STMN1: variants seen among roughly 807,000 people sequenced by gnomAD.
STMN1 encodes stathmin 1.
STMN1 carries 3 observed loss-of-function variants against 19.7 expected under a neutral mutation model. That is an observed-to-expected ratio of 0.15 (90% CI 0.07 to 0.39). STMN1 has a LOEUF of 0.39. Among genes scored for constraint, STMN1 ranks in the 10% least tolerant of loss-of-function variants. STMN1 has a pLI of 1.00. For synonymous variants in STMN1, 59 were observed against 58.9 expected (o/e 1.00, Z -0.01); for missense variants, 99 against 176.0 (o/e 0.56, Z 2.48).
At chr1:25,905,468 C>T (rs1206067548) in intron 1 of STMN1, 2 of 152,228 alleles carry the variant, frequency 1.3e-5, no homozygotes, top group African/African-American at 2.4e-5. Context: ...GACGCAGCAC[C>T]GGACCCAGGA....
downstream of STMN1, among the ~76,000 whole-genome samples, chr1:25,897,037 A>G (rs159519): frequency 0.59 from 89,308 of 152,120 alleles, 26,489 homozygotes; most frequent in South Asian, 0.76. Context: ...TGGCCTTGCC[A>G]GGCGCGGTGG....
chr1:25,885,947 G>T (rs772454783), intron 4 of STMN1: 41 of 1,435,622 alleles, frequency 2.9e-5, no homozygotes, highest in Non-Finnish European at 3.2e-5. Context: ...CCCTTCATCA[G>T]GGCTAAAACA....
At chr1:25,896,957 T>G (rs1334222764), downstream of STMN1, among the ~76,000 whole-genome samples, 2 of 152,170 alleles carry the variant, frequency 1.3e-5, no homozygotes, top group Non-Finnish European at 2.9e-5. Flanking sequence ...AGTCTTGGAT[T>G]TGGAAGGGAA....
chr1:25,897,624 C>A (rs149425895), downstream of STMN1, among the ~76,000 whole-genome samples: 174 of 152,238 alleles, frequency 1.1e-3, 1 homozygote, highest in East Asian at 0.011. Context: ...GTAGGGCTTT[C>A]ATTTGCTGAG....
At chr1:25,888,138 CAT>C (rs2048741059) in intron 4 of STMN1, among the ~76,000 whole-genome samples, 1 of 152,136 alleles carries the variant, frequency 6.6e-6, no homozygotes, top group African/African-American at 2.4e-5. Flanking sequence ...CTTCCTATAA[CAT>C]GGGGATAATC....
At chr1:25,901,388 G>T in intron 4 of STMN1, 103 bp downstream of exon 4, 3 of 1,384,236 alleles carry the variant, frequency 2.2e-6, no homozygotes, top group South Asian at 2.8e-5. Context: ...CAAAATGGAT[G>T]ACAAAAAGAC....
chr1:25,892,019 C>T (rs1018231156), intron 4 of STMN1, among the ~76,000 whole-genome samples: 1 of 152,240 alleles, frequency 6.6e-6, no homozygotes, highest in South Asian at 2.1e-4. Context: ...AACCGGAATA[C>T]TATTCTGTGT....
chr1:25,903,044 T>C (rs2048893806), intron 3 of STMN1: 1 of 152,296 alleles, frequency 6.6e-6, no homozygotes, highest in African/African-American at 2.4e-5. Context: ...AATGAATACT[T>C]TTAATTTCCA....
At chr1:25,902,154 ATTCT>A (rs1290402271) in intron 3 of STMN1, 4 of 148,336 alleles carry the variant, frequency 2.7e-5, no homozygotes, top group African/African-American at 1.1e-4. Flanking sequence ...TGAAAATGAT[ATTCT>A]TTTTCTAGTA....
chr1:25,890,010 T>C (rs537475874), intron 4 of STMN1, among the ~76,000 whole-genome samples: 72 of 152,328 alleles, frequency 4.7e-4, no homozygotes, highest in Non-Finnish European at 1.0e-3. Context: ...ATCTCTTTTA[T>C]AGTCTGTCTT....
At chr1:25,892,382 T>C (rs1048763052) in intron 4 of STMN1, 4 of 180,178 alleles carry the variant, frequency 2.2e-5, no homozygotes, top group Non-Finnish European at 3.1e-5. Context: ...GAGCAAGACT[T>C]TTTTTTTTTT....
At chr1:25,887,797 C>T (rs1340848492) in intron 4 of STMN1, among the ~76,000 whole-genome samples, 3 of 152,164 alleles carry the variant, frequency 2.0e-5, no homozygotes, top group Non-Finnish European at 2.9e-5. Context: ...AGTGGTTCTC[C>T]TGCGTCAGCC....
downstream of STMN1, chr1:25,884,546 A>T (rs1007404050): frequency 1.3e-5 from 2 of 152,086 alleles, no homozygotes; most frequent in South Asian, 4.2e-4. Flanking sequence ...AATACAAAAA[A>T]TAAGCCGGGC....
rs1242332499 is a variant in STMN1 at position 25,900,447 on chromosome 1, G to GCGGT, written c.*565_*568dup. 41 of 985,862 alleles carry GCGGT rather than the reference G, an allele frequency of 4.2e-5. No homozygotes were observed. The highest frequency in any genetic ancestry group is 4.9e-5 in the Non-Finnish European group (41 of 829,994). The allele number at this position is 985,862 out of a possible 1,614,324, so 61.1% of individuals were successfully genotyped here. ...GGGCAAGAAACGGGGCAGAGAACGT[G>GCGGT]CGGTCATTTGTGCGTTGGGTATTTC... On this transcript the variant is annotated 3_prime_UTR_variant, in exon 5 of 5. Coordinates refer to ENST00000455785, the MANE Select transcript of STMN1 (RefSeq NM_005563.4).
At chr1:25,903,421 T>G (rs1212868790) in intron 3 of STMN1, 1 of 511,860 alleles carries the variant, frequency 2.0e-6, no homozygotes, top group African/African-American at 2.0e-5. Context: ...TAATTTCCAT[T>G]ATTTGAGGCA....
intron 4 of STMN1, among the ~76,000 whole-genome samples, chr1:25,886,123 G>A (rs2048719214): frequency 6.6e-6 from 1 of 152,186 alleles, no homozygotes; most frequent in Non-Finnish European, 1.5e-5. Context: ...GGTGTGGGGA[G>A]GAGGTTTGAT....
At chr1:25,904,002 G>A (rs2048906591) in intron 2 of STMN1, among the ~76,000 whole-genome samples, 189 bp from the exon 3 acceptor site, 1 of 152,118 alleles carries the variant, frequency 6.6e-6, no homozygotes, top group South Asian at 2.1e-4. Flanking sequence ...TTGCAGGCAA[G>A]ATATTATTAT....
In STMN1 at chr1:25,885,864, G is replaced by T. The variant is rs2048717129; in HGVS notation, c.384C>A (p.Tyr128Ter). 1 of 1,543,700 alleles carries T rather than the reference G, an allele frequency of 6.5e-7. No homozygotes were observed. The highest frequency in any genetic ancestry group is 8.7e-7 in the Non-Finnish European group (1 of 1,144,566). The change falls in exon 5 of 5, where the codon TAC becomes TAA. Residue 128 changes from tyrosine (Y) to a stop codon, truncating the protein, a stop_gained. Transcript: ENST00000426559. LOFTEE classifies it low-confidence loss of function (END_TRUNC). ...GGGCCCCAGGCCCGTGAGTCCAGAA[G>T]TACATCTGGAAGAAAAAGAAAAATC...
At chr1:25,885,848 G>T (rs1306040701) in exon 5 of STMN1, 2 of 1,550,068 alleles carry the variant, frequency 1.3e-6, no homozygotes, top group East Asian at 2.4e-5. Flanking sequence ...TGGGCCCCAG[G>T]CCCGTGAGTC....
Sources: gnomAD v4.1 joint callset for allele counts (sites outside exome capture counted in the v4.1 genomes callset) on GRCh38, gnomAD v4.1.1 for gene constraint, MANE v1.5 for transcripts, NCBI Gene and HGNC (gene_info 2026-07-23, HGNC 2026-07-21) for gene names.